Variants in TRAPPC9 observed in about 807,000 individuals in gnomAD.
TRAPPC9 encodes IKK2 binding protein.
A neutral mutation model predicts 124.0 loss-of-function variants in TRAPPC9; 83 were observed. The observed-to-expected ratio is 0.67, with a 90% CI of 0.56 to 0.80. TRAPPC9 has a LOEUF of 0.80. TRAPPC9 is among the 30% of genes least tolerant of loss of function. The pLI, the probability that TRAPPC9 is intolerant of heterozygous loss-of-function variation, is 0.00. For synonymous variants in TRAPPC9, 638 were observed against 617.5 expected, an observed-to-expected ratio of 1.03 and a Z score of -0.49; for missense variants, 1,302 against 1,508.3, an observed-to-expected ratio of 0.86 and a Z score of 2.27.
intron 21 of TRAPPC9, among the ~76,000 whole-genome samples, chr8:139,818,613 G>A (rs1002929026): frequency 6.6e-6 from 1 of 152,098 alleles, no homozygotes; most frequent in Non-Finnish European, 1.5e-5. Flanking sequence ...AACACAGTCA[G>A]TGGTGTGCTG....
At chr8:140,356,736 A>G (rs925164979) in intron 9 of TRAPPC9, among the ~76,000 whole-genome samples, 2 of 151,792 alleles carry the variant, frequency 1.3e-5, no homozygotes, top group African/African-American at 4.8e-5. Flanking sequence ...CAGCCTCCCA[A>G]GTAGCTGGGA....
intron 17 of TRAPPC9, among the ~76,000 whole-genome samples, chr8:140,072,550 GAGGAGGAGGAGGAGGAGAAAGGA>G (rs766865131): frequency 0.21 from 13,025 of 61,216 alleles, 686 homozygotes; most frequent in Non-Finnish European, 0.26. Flanking sequence ...GGAGGAGGAA[GAGGAGGAGGAGGAGGAGAAAGGA>G]AGGAGGAGGA....
chr8:140,268,765 A>G (rs771899016), intron 15 of TRAPPC9, among the ~76,000 whole-genome samples: 1 of 152,182 alleles, frequency 6.6e-6, no homozygotes, highest in Non-Finnish European at 1.5e-5. Context: ...AAAACCACAC[A>G]ATAACAAAGA....
chr8:140,056,525 T>C lies in TRAPPC9; in HGVS notation c.2557-32446A>G, dbSNP rs182525956. Among the ~76,000 whole-genome samples the C allele has an allele frequency of 1.7e-3, 251 of 151,958 alleles. 1 individual carries two copies. Among genetic ancestry groups the C allele is most frequent in the African/African-American group, 5.8e-3 (241 of 41,440 alleles). On this transcript the variant is annotated intron_variant, in intron 17 of 22. Coordinates refer to ENST00000438773, the MANE Select transcript of TRAPPC9 (RefSeq NM_001160372.4). ...ATAAACTTATGCATATAAAGTCAACTGATCTTCAGTAAAGGCGCCAAGAAT... is the reference window on the plus strand; with the variant it reads ...ATAAACTTATGCATATAAAGTCAACCGATCTTCAGTAAAGGCGCCAAGAAT...
chr8:139,911,618 T>C (rs950924216), intron 19 of TRAPPC9, among the ~76,000 whole-genome samples: 1 of 151,890 alleles, frequency 6.6e-6, no homozygotes, highest in Non-Finnish European at 1.5e-5. Flanking sequence ...GTCAGGAGAA[T>C]TGCCTGAACC....
intron 17 of TRAPPC9, among the ~76,000 whole-genome samples, chr8:140,060,825 C>T (rs9774091): frequency 0.11 from 16,374 of 152,276 alleles, 1,745 homozygotes; most frequent in African/African-American, 0.28. Flanking sequence ...GGCCTGGCAC[C>T]AGTTGCCCCA....
At chr8:140,434,639 T>C (rs78735797) in intron 4 of TRAPPC9, among the ~76,000 whole-genome samples, 148 of 152,328 alleles carry the variant, frequency 9.7e-4, no homozygotes, top group African/African-American at 2.9e-3. Flanking sequence ...TTCAGTAAGA[T>C]TGAAAGTATT....
intron 21 of TRAPPC9, among the ~76,000 whole-genome samples, chr8:139,744,687 T>C (rs1818775755): frequency 6.6e-6 from 1 of 152,198 alleles, no homozygotes; most frequent in Non-Finnish European, 1.5e-5. Flanking sequence ...TAACAGTTAC[T>C]GAGGGAGCTA....
chr8:140,345,513 C>CA (rs1471640742), intron 9 of TRAPPC9, among the ~76,000 whole-genome samples: 6 of 151,950 alleles, frequency 3.9e-5, no homozygotes, highest in South Asian at 2.1e-4. Context: ...GCAGGCAGGC[C>CA]AAAAAAAGGG....
At chr8:139,994,508 G>T (rs1315087454) in intron 18 of TRAPPC9, among the ~76,000 whole-genome samples, 2 of 152,184 alleles carry the variant, frequency 1.3e-5, no homozygotes, top group African/African-American at 4.8e-5. Context: ...GAAAGCAAGA[G>T]ATGCTCACGA....
At chr8:139,943,042 C>T (rs969501175) in intron 19 of TRAPPC9, among the ~76,000 whole-genome samples, 3 of 152,168 alleles carry the variant, frequency 2.0e-5, no homozygotes, top group South Asian at 2.1e-4. Flanking sequence ...AACTGAGATT[C>T]GAGATGTCCA....
At chr8:139,943,282 G>T (rs1263514750) in intron 19 of TRAPPC9, among the ~76,000 whole-genome samples, 1 of 152,158 alleles carries the variant, frequency 6.6e-6, no homozygotes, top group Non-Finnish European at 1.5e-5. Context: ...GGCCAGGCTG[G>T]TCTCGAACTC....
intron 17 of TRAPPC9, among the ~76,000 whole-genome samples, chr8:140,127,293 A>T (rs2061116600): frequency 6.6e-6 from 1 of 152,248 alleles, no homozygotes; most frequent in African/African-American, 2.4e-5. Flanking sequence ...GGACATATTT[A>T]TCCACTGACT....
chr8:140,006,993 A>C (rs532286924), intron 18 of TRAPPC9, among the ~76,000 whole-genome samples: 14 of 152,338 alleles, frequency 9.2e-5, no homozygotes, highest in African/African-American at 3.4e-4. Context: ...ATTATATTTC[A>C]ATAAAGCTGT....
In TRAPPC9 at chr8:139,973,244, G is replaced by A. The variant is rs113146825; in HGVS notation, c.2810+15482C>T. 4.3e-3 allele frequency among the ~76,000 whole-genome samples: 656 copies of A among 152,342 alleles called. 4 individuals are homozygous for A. The highest frequency in any genetic ancestry group is 0.015 in the African/African-American group (620 of 41,584). ...GTCCAAGAGGAAAGGTCTAGGATAG[G>A]GGAGGCCTTGGAGGGGTCAGGCCCC... On this transcript the variant is annotated intron_variant, in intron 19 of 22. Coordinates refer to ENST00000438773, the MANE Select transcript of TRAPPC9 (RefSeq NM_001160372.4).
At chr8:140,400,749 C>T (rs2069237227) in intron 6 of TRAPPC9, among the ~76,000 whole-genome samples, 1 of 152,118 alleles carries the variant, frequency 6.6e-6, no homozygotes, top group Non-Finnish European at 1.5e-5. Flanking sequence ...CATGTGGCTC[C>T]AGACCCGGGA....
chr8:139,775,240 G>A (rs1343490602), intron 21 of TRAPPC9, among the ~76,000 whole-genome samples: 5 of 152,146 alleles, frequency 3.3e-5, no homozygotes, highest in East Asian at 1.9e-4. Flanking sequence ...CTGCCAGTCC[G>A]GAAGCTCTGA....
chr8:140,378,124 T>C (rs964386204), intron 7 of TRAPPC9, among the ~76,000 whole-genome samples: 9 of 152,188 alleles, frequency 5.9e-5, no homozygotes. Context: ...GGACTTATGT[T>C]TTTCTGCCAG....
At position 139,729,878 on chromosome 8, in the gene TRAPPC9, A is replaced by G. The variant is rs199228; in HGVS notation, c.*1183T>C. 0.3 allele frequency among the ~76,000 whole-genome samples: 45,346 copies of G among 152,030 alleles called. 8,682 individuals carry two copies. The highest frequency in any genetic ancestry group is 0.54 in the African/African-American group (22,591 of 41,470). On this transcript the variant is annotated 3_prime_UTR_variant, in exon 23 of 23. Coordinates refer to ENST00000438773, the MANE Select transcript of TRAPPC9 (RefSeq NM_001160372.4). ...ATGGGAGTTTCAGTGCCCAACGGGC[A>G]CCTGACGAGCCTGGTATCTGCTGGG...
Sources: allele counts gnomAD v4.1 joint callset (sites outside exome capture counted in the v4.1 genomes callset), GRCh38; gene constraint gnomAD v4.1.1; transcripts MANE v1.5; gene names NCBI Gene and HGNC (gene_info 2026-07-23, HGNC 2026-07-21).